The following TMEM132D variants were observed in gnomAD, a reference collection of about 807,000 sequenced individuals.
TMEM132D encodes mature OL transmembrane protein.
A neutral mutation model predicts 62.3 loss-of-function variants in TMEM132D; 21 were observed. The observed-to-expected ratio is 0.34, with a 90% CI of 0.24 to 0.49. The LOEUF (loss-of-function observed/expected upper bound fraction) is 0.49, where lower values mean the gene tolerates loss of function less well. Among genes scored for constraint, TMEM132D ranks in the 20% least tolerant of loss-of-function variants. TMEM132D has a pLI of 0.99. For synonymous variants in TMEM132D, 621 were observed against 575.6 expected, an observed-to-expected ratio of 1.08 and a Z score of -1.13; for missense variants, 1,346 against 1,402.8, an observed-to-expected ratio of 0.96 and a Z score of 0.65.
At chr12:129,410,633 C>T (rs1260883281) in intron 3 of TMEM132D, among the ~76,000 whole-genome samples, 1 of 152,226 alleles carries the variant, frequency 6.6e-6, no homozygotes, top group Non-Finnish European at 1.5e-5. Context: ...GCTGGGATTA[C>T]AGGCGTGAGC....
chr12:129,244,255 G>A (rs552354754), intron 4 of TMEM132D, among the ~76,000 whole-genome samples: 48 of 151,688 alleles, frequency 3.2e-4, no homozygotes, highest in African/African-American at 5.1e-4. Flanking sequence ...GTGTGGTGGC[G>A]GGCGCCTGTA....
intron 3 of TMEM132D, among the ~76,000 whole-genome samples, chr12:129,449,894 T>C (rs74682351): frequency 0.016 from 2,456 of 152,340 alleles, 56 homozygotes; most frequent in East Asian, 0.084. Flanking sequence ...GTGGGTCTTG[T>C]GATCAAAAGA....
intron 4 of TMEM132D, among the ~76,000 whole-genome samples, chr12:129,269,007 C>T (rs1267572685): frequency 4.1e-4 from 43 of 104,314 alleles, no homozygotes; most frequent in African/African-American, 1.1e-3. Flanking sequence ...CATCACACAC[C>T]GGGGCCTGTT....
At chr12:129,487,859 C>T (rs1274397363) in intron 3 of TMEM132D, among the ~76,000 whole-genome samples, 2 of 144,688 alleles carry the variant, frequency 1.4e-5, no homozygotes, top group Non-Finnish European at 3.0e-5. Context: ...ATGGCGTGAA[C>T]CCGGGAGGTG....
At chr12:129,138,293 A>G (rs1876644973) in intron 5 of TMEM132D, among the ~76,000 whole-genome samples, 2 of 152,358 alleles carry the variant, frequency 1.3e-5, no homozygotes, top group South Asian at 4.1e-4. Flanking sequence ...GCCACTATCC[A>G]AAACCTTGAA....
chr12:129,234,868 G>A (rs1879736775), intron 4 of TMEM132D, among the ~76,000 whole-genome samples: 2 of 152,280 alleles, frequency 1.3e-5, no homozygotes, highest in Middle Eastern at 6.8e-3. Context: ...GATGTATGTA[G>A]AAAGAGTTAG....
intron 2 of TMEM132D, among the ~76,000 whole-genome samples, chr12:129,552,879 C>G (rs180872426): frequency 6.6e-6 from 1 of 152,250 alleles, no homozygotes; most frequent in Non-Finnish European, 1.5e-5. Context: ...ATCTATTTAT[C>G]GATCAGTCAT....
intron 5 of TMEM132D, among the ~76,000 whole-genome samples, chr12:129,109,131 T>C (rs1875597178): frequency 6.6e-6 from 1 of 152,164 alleles, no homozygotes; most frequent in Non-Finnish European, 1.5e-5. Flanking sequence ...AAAAGCACAA[T>C]AGCGTTAGAA....
chr12:129,199,900 A>G (rs964286043), intron 5 of TMEM132D, among the ~76,000 whole-genome samples: 3 of 152,212 alleles, frequency 2.0e-5, no homozygotes, highest in Admixed American at 6.5e-5. Context: ...ATTCAAGATA[A>G]GATTTGGGTG....
intron 1 of TMEM132D, among the ~76,000 whole-genome samples, chr12:129,830,248 T>TGA (rs139935820): frequency 1.3e-5 from 2 of 152,036 alleles, no homozygotes. Flanking sequence ...CACAGCCACA[T>TGA]GAGAGAGAGA....
chr12:129,248,558 A>AT (rs140929614), intron 4 of TMEM132D, among the ~76,000 whole-genome samples: 5,905 of 151,204 alleles, frequency 0.039, 359 homozygotes, highest in African/African-American at 0.13. Flanking sequence ...CTCACTTAAA[A>AT]TTTTTTTTTA....
chr12:129,116,918 C>CAAAAAAAAAAAAAA (rs60513263), intron 5 of TMEM132D, among the ~76,000 whole-genome samples: 3 of 59,044 alleles, frequency 5.1e-5, no homozygotes, highest in African/African-American at 1.3e-4. Context: ...AAAATTTCCG[C>CAAAAAAAAAAAAAA]AAAAAAAAAA....
At chr12:129,772,813 TG>T (rs1223382604) in intron 1 of TMEM132D, among the ~76,000 whole-genome samples, 1 of 152,266 alleles carries the variant, frequency 6.6e-6, no homozygotes, top group Non-Finnish European at 1.5e-5. Context: ...GCCCAGGTCC[TG>T]GGGACCTGTG....
At chr12:129,232,619 GCCCCAGGT>G (rs2135579454) in intron 4 of TMEM132D, among the ~76,000 whole-genome samples, 2 of 152,198 alleles carry the variant, frequency 1.3e-5, no homozygotes, top group East Asian at 3.9e-4. Flanking sequence ...ATTACTATTT[GCCCCAGGT>G]CCCCTGCTCA....
chr12:129,864,163 C>T (rs550828216), intron 1 of TMEM132D, among the ~76,000 whole-genome samples: 34 of 152,152 alleles, frequency 2.2e-4, no homozygotes, highest in Admixed American at 1.2e-3. Flanking sequence ...CAAGCAGCCC[C>T]GCAGAGTGGT....
chr12:129,864,706 T>C (rs1030269467), intron 1 of TMEM132D, among the ~76,000 whole-genome samples: 1 of 152,224 alleles, frequency 6.6e-6, no homozygotes, highest in Non-Finnish European at 1.5e-5. Flanking sequence ...TCTGACATTC[T>C]TACTTGTTTG....
intron 3 of TMEM132D, among the ~76,000 whole-genome samples, chr12:129,348,402 G>T (rs1165743371): frequency 1.3e-5 from 2 of 152,158 alleles, no homozygotes; most frequent in Non-Finnish European, 2.9e-5. Flanking sequence ...CATGTCCTTT[G>T]CAGGGACATG....
In TMEM132D at chr12:129,787,908, G is replaced by T. The variant is rs186213598; in HGVS notation, c.80-87210C>A. On this transcript the variant is annotated intron_variant, in intron 1 of 8. Transcript: ENST00000422113. ...AGGACAGAGGAGGGGCCCGTTGAAG[G>T]CCCAGCCAAAAAACCTTCAGATGAG... 5.3e-5 allele frequency among the ~76,000 whole-genome samples: 8 copies of T among 152,296 alleles called. 1 individual carries two copies. Among genetic ancestry groups the T allele is most frequent in the South Asian group, 4.1e-4 (2 of 4,828 alleles).
At chr12:129,211,294 A>C (rs1231346300) in intron 4 of TMEM132D, among the ~76,000 whole-genome samples, 3 of 152,172 alleles carry the variant, frequency 2.0e-5, no homozygotes, top group African/African-American at 7.2e-5. Context: ...TAACATCAAA[A>C]GATCTGGGTG....
Sources: allele counts gnomAD v4.1 joint callset (sites outside exome capture counted in the v4.1 genomes callset), GRCh38; gene constraint gnomAD v4.1.1; transcripts MANE v1.5; gene names NCBI Gene and HGNC (gene_info 2026-07-23, HGNC 2026-07-21).